The following CMTM7 variants were observed in gnomAD, a reference collection of about 807,000 sequenced individuals.
CMTM7 encodes the protein CKLF-like MARVEL transmembrane domain-containing protein 7.
In CMTM7, 7 loss-of-function variants were observed where a neutral mutation model predicts 19.3. That is an observed-to-expected ratio of 0.36 (90% CI 0.21 to 0.68). The LOEUF is 0.68. CMTM7 is among the 30% of genes least tolerant of loss of function. CMTM7 has a pLI of 0.60. For missense variants in CMTM7, 193 were observed against 232.6 expected, an observed-to-expected ratio of 0.83 and a Z score of 1.11; for synonymous variants, 87 against 99.3, an observed-to-expected ratio of 0.88 and a Z score of 0.74.
intron 1 of CMTM7, among the ~76,000 whole-genome samples, chr3:32,425,114 G>A (rs147925176): frequency 0.012 from 1,857 of 152,314 alleles, 13 homozygotes; most frequent in Non-Finnish European, 0.018. Flanking sequence ...TAGAGCAGGT[G>A]CCTCTCTGTG....
In CMTM7 at chr3:32,392,073, A is replaced by AGCGCGGG. The variant is rs1346066584; in HGVS notation, c.159+14_159+20dup. The AGCGCGGG allele has an allele frequency of 8.1e-7, 1 of 1,232,988 alleles. No individual in the cohort carries two copies. Among genetic ancestry groups the AGCGCGGG allele is most frequent in the Non-Finnish European group, 1.0e-6 (1 of 986,488 alleles). The allele number at this position is 1,232,988 out of a possible 1,614,324, so 76.4% of individuals were successfully genotyped here. The stretch of plus-strand genomic sequence containing the variant: ...CTGAAAGTGGCGCAAATGGTAAGTG[A>AGCGCGGG]GCGCGGGGCGCGAGGCCGAGGTTCT... On this transcript the variant is annotated intron_variant, in intron 1 of 4. Coordinates refer to ENST00000334983, the MANE Select transcript of CMTM7 (RefSeq NM_138410.4).
At chr3:32,404,954 C>T (rs1051150960) in intron 1 of CMTM7, among the ~76,000 whole-genome samples, 2 of 152,208 alleles carry the variant, frequency 1.3e-5, no homozygotes, top group South Asian at 2.1e-4. Context: ...AGAGAGTCTC[C>T]TGCTGGCTCT....
intron 1 of CMTM7, among the ~76,000 whole-genome samples, chr3:32,412,563 G>GTT (rs71068048): frequency 7.1e-6 from 1 of 140,732 alleles, no homozygotes; most frequent in Admixed American, 7.0e-5. Context: ...TCCTCCAGCA[G>GTT]TTTTTTTCAT....
At chr3:32,392,219 C>T (rs1695846783) in intron 1 of CMTM7, among the ~76,000 whole-genome samples, 154 bp downstream of exon 1, 1 of 142,534 alleles carries the variant, frequency 7.0e-6, no homozygotes, top group Non-Finnish European at 1.6e-5. Flanking sequence ...TCGCGGCAGG[C>T]TTCCTCCGGG....
chr3:32,404,929 G>T (rs923458916), intron 1 of CMTM7, among the ~76,000 whole-genome samples: 1 of 152,212 alleles, frequency 6.6e-6, no homozygotes, highest in Non-Finnish European at 1.5e-5. Context: ...GAAGTACTGG[G>T]TCCTTCCCAA....
chr3:32,431,382 G>A (rs756341752), intron 1 of CMTM7, among the ~76,000 whole-genome samples: 2 of 152,102 alleles, frequency 1.3e-5, no homozygotes, highest in African/African-American at 2.4e-5. Context: ...TAATGAGCAA[G>A]TATTGATTCT....
chr3:32,448,781 GAA>G (rs761007859), intron 2 of CMTM7, among the ~76,000 whole-genome samples: 7 of 128,804 alleles, frequency 5.4e-5, no homozygotes, highest in Non-Finnish European at 8.4e-5. Flanking sequence ...GGAATGACAG[GAA>G]AAAAAAAAAA....
At chr3:32,442,668 G>T (rs2125640582) in intron 2 of CMTM7, among the ~76,000 whole-genome samples, 1 of 152,304 alleles carries the variant, frequency 6.6e-6, no homozygotes, top group African/African-American at 2.4e-5. Context: ...AGGATTGAAT[G>T]ATAGGATTTT....
At chr3:32,405,575 A>G (rs1371485564) in intron 1 of CMTM7, among the ~76,000 whole-genome samples, 1 of 152,184 alleles carries the variant, frequency 6.6e-6, no homozygotes, top group Non-Finnish European at 1.5e-5. Context: ...ACAGATGAGG[A>G]AACTGAGGCA....
rs113570113 is a variant in CMTM7, at chr3:32,452,150, C to T, written c.433-242C>T. ...CACTGAAGCTGCCAAGAGTGAAGACCGAGAGGCCTGGCTGCCAGCCCTGAC... is the reference window on the plus strand; with the variant it reads ...CACTGAAGCTGCCAAGAGTGAAGACTGAGAGGCCTGGCTGCCAGCCCTGAC... On this transcript the variant is annotated intron_variant, in intron 3 of 4. Transcript: ENST00000334983. 3.2e-3 allele frequency: 4,708 copies of T among 1,491,088 alleles called. 121 individuals are homozygous for T. In the African/African-American group the frequency reaches 0.052, roughly 16 times the overall value. 92.4% of individuals were successfully genotyped at this position (1,491,088 alleles called of 1,614,324 possible). A position where few individuals can be genotyped will look rare whatever the true frequency, so the allele number is the denominator to read the frequency against.
At chr3:32,393,523 G>A (rs1418634025) in intron 1 of CMTM7, among the ~76,000 whole-genome samples, 1 of 152,176 alleles carries the variant, frequency 6.6e-6, no homozygotes. Flanking sequence ...GAGTTTGCTG[G>A]ACAAAGATAT....
Position 32,449,439 on chromosome 3 carries a change from T to A in CMTM7, c.334-15T>A. 2 of 1,598,884 alleles carry A rather than the reference T, an allele frequency of 1.3e-6. No homozygotes were observed. The highest frequency in any genetic ancestry group is 1.7e-6 in the Non-Finnish European group (2 of 1,166,122). On this transcript the variant is annotated splice_polypyrimidine_tract_variant and intron_variant, in intron 2 of 4. Transcript: ENST00000334983. This position sits in a 1 kb window ranked among gnomAD's most constrained non-coding sequence, Gnocchi z 4.5. The stretch of plus-strand genomic sequence containing the variant: ...GACGGCCCTACCCACTTATTTGCTT[T>A]GTTTCTGCCCCCAGGAACTTCTGCA...
In CMTM7 at chr3:32,449,654, T is replaced by C; in HGVS notation, c.432+102T>C. Reference sequence around the variant, plus strand: ...AGGGCTTGGTTTCTGGGGCATTCCCTTCATAGAATCAATACCTACCTTGAT... The same window carrying C: ...AGGGCTTGGTTTCTGGGGCATTCCCCTCATAGAATCAATACCTACCTTGAT... On this transcript the variant is annotated intron_variant, in intron 3 of 4. Coordinates refer to ENST00000334983, the MANE Select transcript of CMTM7 (RefSeq NM_138410.4). This position sits in a 1 kb window ranked among gnomAD's most constrained non-coding sequence, Gnocchi z 4.5. The C allele has an allele frequency of 4.5e-6, 4 of 896,224 alleles. No homozygotes were observed. The highest frequency in any genetic ancestry group is 5.6e-6 in the Non-Finnish European group (3 of 535,354). The allele number at this position is 896,224 out of a possible 1,614,324, so 55.5% of individuals were successfully genotyped here. A position where few individuals can be genotyped will look rare whatever the true frequency, so the allele number is the denominator to read the frequency against.
At chr3:32,428,341 T>C (rs1278767240) in intron 1 of CMTM7, among the ~76,000 whole-genome samples, 1 of 152,230 alleles carries the variant, frequency 6.6e-6, no homozygotes, top group African/African-American at 2.4e-5. Context: ...CTGCCTGACC[T>C]TGAATTTTTC....
chr3:32,430,675 A>G (rs1696503119), intron 1 of CMTM7, among the ~76,000 whole-genome samples: 1 of 40,018 alleles, frequency 2.5e-5, no homozygotes, highest in South Asian at 9.5e-4. Context: ...CCTGATCTAC[A>G]TCTGAATGTG....
chr3:32,423,327 G>T (rs562939774), intron 1 of CMTM7, among the ~76,000 whole-genome samples: 1 of 152,200 alleles, frequency 6.6e-6, no homozygotes, highest in Admixed American at 6.5e-5. Context: ...CTGAAGAGTG[G>T]CCACATTTCA....
In CMTM7 at chr3:32,454,242, T is replaced by TG. The variant is rs1302444690; in HGVS notation, c.517dup (p.Ala173GlyfsTer62). ...CCTGACTGCCATTTCCTTCCCAAGA[T>TG]GCAGCCGTCTGATGAGGCCACAACC... On this transcript the variant is annotated frameshift_variant and splice_region_variant, in exon 5 of 5. Transcript: ENST00000334983. LOFTEE classifies it high-confidence loss of function. The TG allele has an allele frequency of 1.9e-6, 3 of 1,599,876 alleles. No individual in the cohort carries two copies. The highest frequency in any genetic ancestry group is 2.6e-6 in the Non-Finnish European group (3 of 1,169,412).
At chr3:32,410,032 G>T (rs185041662) in intron 1 of CMTM7, among the ~76,000 whole-genome samples, 110 of 152,224 alleles carry the variant, frequency 7.2e-4, no homozygotes, top group Non-Finnish European at 1.2e-3. Context: ...GTATTTTATA[G>T]TGAGGAAACA....
At chr3:32,443,144 G>T (rs111428645) in intron 2 of CMTM7, among the ~76,000 whole-genome samples, 2,548 of 152,154 alleles carry the variant, frequency 0.017, 76 homozygotes, top group African/African-American at 0.056. Flanking sequence ...TGTCACCCAG[G>T]CTAGAGTGCA....
Sources: gnomAD v4.1 joint callset for allele counts (sites outside exome capture counted in the v4.1 genomes callset) on GRCh38, gnomAD v4.1.1 for gene constraint, Gnocchi (gnomAD v3.1) non-coding constraint, MANE v1.5 for transcripts, NCBI Gene and HGNC (gene_info 2026-07-23, HGNC 2026-07-21) for gene names.